GYG1: variants seen among roughly 807,000 people sequenced by gnomAD.
The protein encoded by GYG1 is glycogenin 1.
Under a neutral mutation model 41.9 loss-of-function variants are expected in GYG1, and 44 were observed. The ratio of observed to expected loss-of-function variants is 1.05; its 90% CI spans 0.83 to 1.35. The LOEUF is 1.35. Ranked by LOEUF, GYG1 falls within the 40% of genes most tolerant of loss-of-function variation. The pLI is 0.00. For synonymous variants in GYG1, 141 were observed against 158.1 expected (o/e 0.89, Z 0.81); for missense variants, 429 against 418.9 (o/e 1.02, Z -0.21).
exon 8 of GYG1, chr3:149,031,773 ATAGTC>A (rs1486201535): frequency 1.3e-5 from 2 of 152,226 alleles, no homozygotes; most frequent in Admixed American, 1.3e-4. Context: ...TAATTCTTGT[ATAGTC>A]TGTATATATT....
At chr3:148,994,109 T>C in intron 1 of GYG1, 33 bp from the exon 2 acceptor site, 1 of 1,602,318 alleles carries the variant, frequency 6.2e-7, no homozygotes, top group Non-Finnish European at 8.6e-7. Context: ...GATAAGATAC[T>C]GTAATGAGTG....
At chr3:148,992,634 C>T (rs140112132) in intron 1 of GYG1, 2 of 152,316 alleles carry the variant, frequency 1.3e-5, no homozygotes, top group African/African-American at 4.8e-5. Flanking sequence ...TTCATTTTGC[C>T]TAGCTTAAGT....
intron 6 of GYG1, 145 bp downstream of exon 6, chr3:149,024,417 AG>A: frequency 3.0e-6 from 2 of 672,118 alleles, no homozygotes; most frequent in Non-Finnish European, 5.3e-6. Context: ...CCATCTTAGG[AG>A]AAACATTACC....
intron 4 of GYG1, among the ~76,000 whole-genome samples, chr3:149,007,207 A>G (rs1490065710): frequency 1.3e-5 from 2 of 152,230 alleles, no homozygotes; most frequent in Non-Finnish European, 2.9e-5. Context: ...CACAAATCCT[A>G]TGCATGAGGG....
At chr3:149,015,659 G>C (rs73011316) in intron 5 of GYG1, among the ~76,000 whole-genome samples, 3,996 of 152,296 alleles carry the variant, frequency 0.026, 197 homozygotes, top group African/African-American at 0.092. Context: ...TGGTGGAGTG[G>C]TGGGGGAGAA....
rs552704676 is a variant in GYG1 at position 149,031,273 on chromosome 3, G to A, written c.*4340G>A. Reference sequence around the variant, plus strand: ...ACACATAACAATTGTTTACATTCAGGATTAAGATGTCTTTAAGAGTTGAAA... The same window carrying A: ...ACACATAACAATTGTTTACATTCAGAATTAAGATGTCTTTAAGAGTTGAAA... On this transcript the variant is annotated 3_prime_UTR_variant, in exon 8 of 8. Coordinates refer to ENST00000345003, the MANE Select transcript of GYG1 (RefSeq NM_004130.4). 4 of 152,610 alleles carry A rather than the reference G, an allele frequency of 2.6e-5. No homozygotes were observed. The East Asian group carries it at 7.7e-4, about 29-fold the overall frequency. The allele number at this position is 152,610 out of a possible 1,614,324, so 9.5% of individuals were successfully genotyped here.
At chr3:149,010,327 CTTTTTT>C (rs11480779) in intron 5 of GYG1, among the ~76,000 whole-genome samples, 1 of 129,460 alleles carries the variant, frequency 7.7e-6, no homozygotes, top group Non-Finnish European at 1.6e-5. Flanking sequence ...TGGTGCAGTT[CTTTTTT>C]TTTTTTTTTT....
rs1488314247 is a variant in GYG1 at position 149,027,154 on chromosome 3, G to A, written c.*221G>A. ...GTGTTCTGCTTTTTAATCCTATTTA[G>A]CTTGTTTCAGAAATTCTCACTTTTG... On this transcript the variant is annotated 3_prime_UTR_variant, in exon 8 of 8. Transcript: ENST00000345003. 2 of 554,084 alleles carry A rather than the reference G, an allele frequency of 3.6e-6. No individual in the cohort carries two copies. Among genetic ancestry groups the A allele is most frequent in the African/African-American group, 3.8e-5 (2 of 53,294 alleles). The allele number at this position is 554,084 out of a possible 1,614,324, so 34.3% of individuals were successfully genotyped here. A position where few individuals can be genotyped will look rare whatever the true frequency, so the allele number is the denominator to read the frequency against.
At chr3:148,997,318 G>C (rs890583505) in intron 4 of GYG1, among the ~76,000 whole-genome samples, 25 of 152,100 alleles carry the variant, frequency 1.6e-4, no homozygotes, top group African/African-American at 5.1e-4. Flanking sequence ...ATGGAAACTT[G>C]AGGAATAAGC....
At chr3:149,009,208 T>C in intron 4 of GYG1, 68 bp from the exon 5 acceptor site, 3 of 1,227,508 alleles carry the variant, frequency 2.4e-6, no homozygotes, top group Non-Finnish European at 3.6e-6. Context: ...GGTCCAGTTA[T>C]GTGCTCCTAT....
At position 148,996,800 on chromosome 3, in the gene GYG1, C is replaced by T; in HGVS notation, c.377C>T (p.Pro126Leu). 6.2e-7 allele frequency: 1 copy of T among 1,613,436 alleles called. No individual in the cohort carries two copies. Among genetic ancestry groups the T allele is most frequent in the South Asian group, 1.1e-5 (1 of 91,066 alleles). Reference sequence around the variant, plus strand: ...GAAGAATTGTCAGCAGCACCAGACCCAGGGTGGCCTGACTGCTTCAATTCC... The same window carrying T: ...GAAGAATTGTCAGCAGCACCAGACCTAGGGTGGCCTGACTGCTTCAATTCC... ...DREELSAAPD[P>L]GWPDCFNSGV... Residue 126 changes from proline (P) to leucine (L), a missense_variant, in exon 4 of 8, where the codon CCA becomes CTA. Transcript: ENST00000345003.
intron 2 of GYG1, 21 bp from the exon 3 acceptor site, chr3:148,996,281 T>C (rs1259771136): frequency 6.3e-7 from 1 of 1,579,022 alleles, no homozygotes; most frequent in Admixed American, 1.7e-5. Context: ...AAGTGTGGTA[T>C]TCTGGATTTT....
In GYG1 at chr3:149,024,260, A is replaced by G; in HGVS notation, c.816A>G (p.Ser272=). The part of the protein sequence containing the change: ...QQFGLVKDTC[S]YVNVLSDLVY... The stretch of plus-strand genomic sequence containing the variant: ...TTGGCCTTGTCAAAGACACCTGCTC[A>G]TATGTAAATGTGGTAGGTTCTGTTT... The change falls in exon 6 of 8, where the codon TCA becomes TCG. Residue 272 remains serine, a synonymous_variant. Coordinates refer to ENST00000345003, the MANE Select transcript of GYG1 (RefSeq NM_004130.4). The G allele has an allele frequency of 6.3e-7, 1 of 1,593,092 alleles. No individual in the cohort carries two copies. The highest frequency in any genetic ancestry group is 8.6e-7 in the Non-Finnish European group (1 of 1,160,796).
chr3:148,994,315 C>G, intron 2 of GYG1, 38 bp downstream of exon 2: 1 of 1,607,640 alleles, frequency 6.2e-7, no homozygotes, highest in Non-Finnish European at 8.5e-7. Context: ...CCAAGGGGCT[C>G]TGACATCCTT....
In GYG1 at chr3:148,994,140, A is replaced by C; in HGVS notation, c.8-2A>C. ...GAGTGTTTTTTTTTTCTTTGTATTA[A>C]GATCAGGCCTTTGTGACACTAACCA... On this transcript the variant is annotated splice_acceptor_variant, in intron 1 of 7. Transcript: ENST00000345003. LOFTEE classifies it high-confidence loss of function. The C allele has an allele frequency of 6.2e-7, 1 of 1,613,340 alleles. No homozygotes were observed. The highest frequency in any genetic ancestry group is 1.1e-5 in the South Asian group (1 of 91,064).
chr3:149,028,175 CA>C lies in GYG1; in HGVS notation c.*1246del, dbSNP rs762603460. ...AAGAAACTTTAGAGGTTTGATTGGG[CA>C]AAAGCTGCAAAGCTTTTGTGACTTA... On this transcript the variant is annotated 3_prime_UTR_variant, in exon 8 of 8. Coordinates refer to ENST00000345003, the MANE Select transcript of GYG1 (RefSeq NM_004130.4). Among the ~76,000 whole-genome samples, 2 of 152,098 alleles carry C rather than the reference CA, an allele frequency of 1.3e-5. No homozygotes were observed. The highest frequency in any genetic ancestry group is 2.1e-4 in the South Asian group (1 of 4,828).
intron 5 of GYG1, among the ~76,000 whole-genome samples, chr3:149,020,191 A>G (rs1375615960): frequency 6.6e-6 from 1 of 152,202 alleles, no homozygotes; most frequent in South Asian, 2.1e-4. Flanking sequence ...GTCTTCTTGA[A>G]TGCTAAGTTG....
Position 149,023,421 on chromosome 3 carries a change from A to G in GYG1, c.609-632A>G, listed in dbSNP as rs367869534. On this transcript the variant is annotated intron_variant, in intron 5 of 7. Coordinates refer to ENST00000345003, the MANE Select transcript of GYG1 (RefSeq NM_004130.4). ...TGGTGCTGCTGTGAACATTTTGATT[A>G]TATCTCTTGTTGCACATACACAAGC... Among the ~76,000 whole-genome samples, 38 of 152,294 alleles carry G rather than the reference A, an allele frequency of 2.5e-4. 1 individual carries two copies. Among genetic ancestry groups the G allele is most frequent in the African/African-American group, 9.1e-4 (38 of 41,554 alleles).
chr3:149,014,613 A>G (rs1421584880), intron 5 of GYG1, among the ~76,000 whole-genome samples: 2 of 151,912 alleles, frequency 1.3e-5, no homozygotes, highest in East Asian at 3.9e-4. Flanking sequence ...TGGGAGGCCA[A>G]GGAGGGAGGA....
Sources: gnomAD v4.1 joint callset for allele counts (sites outside exome capture counted in the v4.1 genomes callset) on GRCh38, gnomAD v4.1.1 for gene constraint, MANE v1.5 for transcripts, NCBI Gene and HGNC (gene_info 2026-07-23, HGNC 2026-07-21) for gene names.